Variants in KIF1B observed in about 807,000 individuals in gnomAD.
The protein encoded by KIF1B is kinesin-like protein KIF1B.
A neutral mutation model predicts 241.9 loss-of-function variants in KIF1B; 76 were observed. That is an observed-to-expected ratio of 0.31 (90% CI 0.26 to 0.38). The LOEUF is 0.38. KIF1B is among the 10% of genes least tolerant of loss of function. The probability of loss-of-function intolerance (pLI) is 1.00; values close to 1 mark genes in which losing one functional copy is unlikely to be tolerated. For missense variants in KIF1B, 1,622 were observed against 2,271.4 expected, an observed-to-expected ratio of 0.71 and a Z score of 5.81; for synonymous variants, 750 against 796.7, an observed-to-expected ratio of 0.94 and a Z score of 0.99.
At chr1:10,247,180 A>G (rs1470440713) in intron 2 of KIF1B, among the ~76,000 whole-genome samples, 9 of 152,214 alleles carry the variant, frequency 5.9e-5, no homozygotes, top group Admixed American at 5.9e-4. Context: ...CACTTTTAGA[A>G]TAAAACTAAA....
chr1:10,367,218 C>A (rs1329431143), intron 43 of KIF1B, among the ~76,000 whole-genome samples: 1 of 151,504 alleles, frequency 6.6e-6, no homozygotes, highest in African/African-American at 2.4e-5. Flanking sequence ...TCCTCAGCCT[C>A]CCAAGTAGCT....
chr1:10,365,189 G>A lies in KIF1B; in HGVS notation c.4456G>A (p.Asp1486Asn). The A allele has an allele frequency of 2.5e-6, 4 of 1,614,076 alleles. No homozygotes were observed. The highest frequency in any genetic ancestry group is 3.4e-6 in the Non-Finnish European group (4 of 1,180,028). The change falls in exon 42 of 49, where the codon GAC (aspartate) becomes AAC (asparagine). Residue 1486 changes from aspartate (D) to asparagine (N), a missense_variant. Asp to Asn is a conservative substitution (Grantham distance 23). Transcript: ENST00000676179. The surrounding 1 kb of genome is among the most constrained non-coding windows in gnomAD (Gnocchi z 4.0). ...ENLAGWRPRG[D>N]SLILEHQWEL... ...CTTAGCAGGCTGGCGGCCCCGTGGAGACAGCCTCATCCTTGAGCACCAGTG... is the reference window on the plus strand; with the variant it reads ...CTTAGCAGGCTGGCGGCCCCGTGGAAACAGCCTCATCCTTGAGCACCAGTG...
Position 10,365,784 on chromosome 1 carries a change from G to T in KIF1B, c.4752+136G>T. The T allele has an allele frequency of 3.1e-6, 4 of 1,283,652 alleles. No homozygotes were observed. Among genetic ancestry groups the T allele is most frequent in the South Asian group, 2.5e-5 (2 of 80,628 alleles). 79.5% of individuals were successfully genotyped at this position (1,283,652 alleles called of 1,614,324 possible). A position where few individuals can be genotyped will look rare whatever the true frequency, so the allele number is the denominator to read the frequency against. On this transcript the variant is annotated intron_variant, in intron 43 of 48. Transcript: ENST00000676179. This position sits in a 1 kb window ranked among gnomAD's most constrained non-coding sequence, Gnocchi z 4.0. ...AATACTGTGAATGTAGAAATAAAAA[G>T]ACGCAGTTCCTACCCTCAACAAGCT...
intron 11 of KIF1B, 85 bp downstream of exon 11, chr1:10,275,588 C>T: frequency 1.2e-6 from 1 of 834,374 alleles, no homozygotes; most frequent in South Asian, 1.3e-5. Context: ...GTTTTGGAGA[C>T]AAATAATCTC....
At chr1:10,361,527 C>G (rs938623995) in intron 39 of KIF1B, among the ~76,000 whole-genome samples, 165 bp from the exon 40 acceptor site, 14 of 152,176 alleles carry the variant, frequency 9.2e-5, no homozygotes, top group Non-Finnish European at 1.9e-4. Flanking sequence ...GGAGTACTAC[C>G]TACTCTTGCA....
intron 2 of KIF1B, among the ~76,000 whole-genome samples, chr1:10,238,974 G>T (rs1647096503): frequency 6.6e-6 from 1 of 151,610 alleles, no homozygotes. Flanking sequence ...TTTGAGACAG[G>T]GTCTCACTCT....
Position 10,319,245 on chromosome 1 carries a change from G to A in KIF1B, c.2116-798G>A, listed in dbSNP as rs192724998. Among the ~76,000 whole-genome samples the A allele has an allele frequency of 2.3e-3, 355 of 152,080 alleles. 3 individuals are homozygous for A. Among genetic ancestry groups the A allele is most frequent in the Non-Finnish European group, 3.7e-3 (253 of 67,998 alleles). On this transcript the variant is annotated intron_variant, in intron 22 of 48. Coordinates refer to ENST00000676179, the MANE Select transcript of KIF1B (RefSeq NM_001365951.3). ...TCCTCCCAAGTAGCTGGGATTATAG[G>A]CACGTGCCACCATGGCCAGCTAATT...
intron 22 of KIF1B, among the ~76,000 whole-genome samples, chr1:10,318,936 A>G (rs1651410755): frequency 6.6e-6 from 1 of 152,098 alleles, no homozygotes; most frequent in South Asian, 2.1e-4. Context: ...GATATACTAC[A>G]TATCTGTATA....
At chr1:10,273,934 CTTTTT>C (rs35845856) in intron 10 of KIF1B, among the ~76,000 whole-genome samples, 1 of 116,810 alleles carries the variant, frequency 8.6e-6, no homozygotes, top group African/African-American at 3.2e-5. Context: ...TTAGTAGCTT[CTTTTT>C]TTTTTTTTTT....
At chr1:10,367,538 A>ATT (rs111301088) in intron 43 of KIF1B, among the ~76,000 whole-genome samples, 5 of 143,326 alleles carry the variant, frequency 3.5e-5, no homozygotes, top group African/African-American at 1.0e-4. Flanking sequence ...TCTTTATTAA[A>ATT]TTTTTTTTTT....
chr1:10,332,022 CT>C (rs1386457644), intron 27 of KIF1B, among the ~76,000 whole-genome samples: 2 of 152,154 alleles, frequency 1.3e-5, no homozygotes, highest in Non-Finnish European at 2.9e-5. Flanking sequence ...AAACGCAAAC[CT>C]TTTAGGCATC....
chr1:10,301,883 C>T (rs778222760), intron 22 of KIF1B, among the ~76,000 whole-genome samples: 1 of 152,214 alleles, frequency 6.6e-6, no homozygotes, highest in Non-Finnish European at 1.5e-5. Flanking sequence ...ATTATCTATA[C>T]AGCCCTTGAA....
At chr1:10,344,440 T>G (rs1356977557) in intron 34 of KIF1B, among the ~76,000 whole-genome samples, 1 of 152,180 alleles carries the variant, frequency 6.6e-6, no homozygotes, top group Non-Finnish European at 1.5e-5. Context: ...TTGTATCACA[T>G]TTTCTTCCTA....
In KIF1B at chr1:10,261,917, C is replaced by G. The variant is rs1648169385; in HGVS notation, c.376C>G (p.Leu126Val). The G allele has an allele frequency of 2.5e-6, 4 of 1,610,478 alleles. No homozygotes were observed. Among genetic ancestry groups the G allele is most frequent in the Non-Finnish European group, 2.5e-6 (3 of 1,176,854 alleles). Residue 126 changes from leucine to valine, a missense_variant, in exon 5 of 49, where the codon CTT (leucine) becomes GTT (valine). Physicochemically the swap from Leu to Val is conservative, Grantham distance 32 (BLOSUM62 1). Coordinates refer to ENST00000676179, the MANE Select transcript of KIF1B (RefSeq NM_001365951.3). Reference protein sequence around the residue: ...AGIIPQLCEELFEKINDNCNE... With the variant: ...AGIIPQLCEEVFEKINDNCNE... ...TCTACTTCCCTAGTTATGTGAAGAA[C>G]TTTTTGAGAAAATCAATGACAACTG...
intron 24 of KIF1B, among the ~76,000 whole-genome samples, chr1:10,323,682 A>G (rs1249109667): frequency 1.3e-5 from 2 of 152,214 alleles, no homozygotes; most frequent in Non-Finnish European, 1.5e-5. Context: ...CTAGGAAAAC[A>G]AAGTCCTTAA....
intron 15 of KIF1B, among the ~76,000 whole-genome samples, chr1:10,283,490 T>C (rs1274970756): frequency 6.6e-6 from 1 of 152,232 alleles, no homozygotes; most frequent in Non-Finnish European, 1.5e-5. Context: ...CTTATCTCTT[T>C]GTATGAATAT....
At chr1:10,288,544 C>T (rs1649825442) in intron 15 of KIF1B, among the ~76,000 whole-genome samples, 1 of 152,096 alleles carries the variant, frequency 6.6e-6, no homozygotes, top group African/African-American at 2.4e-5. Flanking sequence ...TTGTCACTTG[C>T]CACCCCCAAC....
rs78490707 is a variant in KIF1B at position 10,376,866 on chromosome 1, C to T, written c.*279C>T. ...ACACACACACACACACACACACACACATACACAGACAAAAACACAAAAACT... is the reference window on the plus strand; with the variant it reads ...ACACACACACACACACACACACACATATACACAGACAAAAACACAAAAACT... On this transcript the variant is annotated 3_prime_UTR_variant, in exon 49 of 49. Transcript: ENST00000676179. 0.015 allele frequency: 5,156 copies of T among 339,136 alleles called. 170 individuals carry two copies. Among genetic ancestry groups the T allele is most frequent in the East Asian group, 0.11 (2,380 of 20,716 alleles). The allele number at this position is 339,136 out of a possible 1,614,324, so 21.0% of individuals were successfully genotyped here.
chr1:10,214,123 A>T (rs1646730868), intron 1 of KIF1B, among the ~76,000 whole-genome samples: 1 of 152,094 alleles, frequency 6.6e-6, no homozygotes, highest in Admixed American at 6.6e-5. Context: ...TTGCCTGCTA[A>T]AAATAAAAAG....
Sources: gnomAD v4.1 joint callset for allele counts (sites outside exome capture counted in the v4.1 genomes callset) on GRCh38, gnomAD v4.1.1 for gene constraint, Gnocchi (gnomAD v3.1) non-coding constraint, MANE v1.5 for transcripts, NCBI Gene and HGNC (gene_info 2026-07-23, HGNC 2026-07-21) for gene names.